Variants in MADD observed in about 807,000 individuals in gnomAD.
MADD encodes the protein MAP kinase activating death domain.
In MADD, 109 loss-of-function variants were observed where a neutral mutation model predicts 176.7. That is an observed-to-expected ratio of 0.62 (90% CI 0.53 to 0.72). MADD has a LOEUF of 0.72. Ranked by LOEUF, MADD falls within the 30% of genes least tolerant of loss-of-function variation. The probability of loss-of-function intolerance (pLI) is 0.00; values close to 1 mark genes in which losing one functional copy is unlikely to be tolerated. For missense variants in MADD, 1,914 were observed against 2,045.5 expected, an observed-to-expected ratio of 0.94 and a Z score of 1.24; for synonymous variants, 771 against 771.3, an observed-to-expected ratio of 1.00 and a Z score of 0.01.
At chr11:47,277,761 G>A (rs2051720044) in intron 5 of MADD, among the ~76,000 whole-genome samples, 1 of 151,860 alleles carries the variant, frequency 6.6e-6, no homozygotes, top group African/African-American at 2.4e-5. Flanking sequence ...GCTGGACACA[G>A]GGGTGATTCA....
At chr11:47,276,885 G>A (rs762261913) in intron 5 of MADD, 22 bp downstream of exon 5, 16 of 1,612,678 alleles carry the variant, frequency 9.9e-6, no homozygotes, top group Admixed American at 3.3e-5. Flanking sequence ...GGCGACTTCC[G>A]GCTTTCTCAC....
At chr11:47,296,178 C>T (rs905909041) in intron 22 of MADD, 123 bp downstream of exon 24, 1 of 1,171,144 alleles carries the variant, frequency 8.5e-7, no homozygotes, top group Non-Finnish European at 1.2e-6. Context: ...AGGTAATCTT[C>T]TTATATTTGG....
intron 22 of MADD, among the ~76,000 whole-genome samples, chr11:47,296,577 GA>G (rs1411893263): frequency 6.6e-6 from 1 of 152,108 alleles, no homozygotes; most frequent in Non-Finnish European, 1.5e-5. Flanking sequence ...AAACAGGGAT[GA>G]AAAAGGCATG....
At chr11:47,283,416 T>C (rs879858196) in intron 10 of MADD, among the ~76,000 whole-genome samples, 1 of 151,914 alleles carries the variant, frequency 6.6e-6, no homozygotes, top group Non-Finnish European at 1.5e-5. Context: ...TTTGTATGTA[T>C]GTGACAGAGT....
chr11:47,300,546 G>A (rs1035566338), intron 22 of MADD, among the ~76,000 whole-genome samples: 1 of 151,766 alleles, frequency 6.6e-6, no homozygotes, highest in Non-Finnish European at 1.5e-5. Flanking sequence ...TGCTCAGGCT[G>A]GAGTGCAATG....
At chr11:47,326,937 CAAGG>C (rs1676158800) in intron 31 of MADD, 130 bp downstream of exon 35, 4 of 1,461,538 alleles carry the variant, frequency 2.7e-6, no homozygotes, top group Non-Finnish European at 2.7e-6. Context: ...GCAGGAGTGA[CAAGG>C]AAGAAAAGGG....
chr11:47,309,838 C>CTT (rs60488949), intron 25 of MADD, among the ~76,000 whole-genome samples: 116 of 143,664 alleles, frequency 8.1e-4, no homozygotes, highest in Non-Finnish European at 1.0e-3. Context: ...TGATGATTCT[C>CTT]TTTTTTTTTT....
intron 3 of MADD, 22 bp downstream of exon 3, chr11:47,275,181 T>A (rs754179273): frequency 5.7e-6 from 9 of 1,584,584 alleles, no homozygotes; most frequent in African/African-American, 1.3e-5. Flanking sequence ...TGCTGATGCC[T>A]AATGGGGGAA....
At chr11:47,324,687 T>A in intron 30 of MADD, 110 bp downstream of exon 33, 2 of 778,140 alleles carry the variant, frequency 2.6e-6, no homozygotes. Flanking sequence ...CCTCTGGAGC[T>A]AGAGGGAGAA....
chr11:47,295,710 C>A, intron 21 of MADD, 131 bp downstream of exon 23: 1 of 1,550,846 alleles, frequency 6.4e-7, no homozygotes. Context: ...AGATGTTTAC[C>A]ATCATAGGTG....
At chr11:47,281,610 C>T in exon 8 of MADD, 1 of 1,611,214 alleles carries the variant, frequency 6.2e-7, no homozygotes, top group South Asian at 1.1e-5. Context: ...CCCAGCCCAT[C>T]CTCAATCTGG....
chr11:47,285,494 G>T, exon 14 of MADD: 1 of 1,614,152 alleles, frequency 6.2e-7, no homozygotes, highest in Non-Finnish European at 8.5e-7. Flanking sequence ...ACTGGCAAGT[G>T]ACTCAGATGC....
intron 15 of MADD, 114 bp downstream of exon 15, chr11:47,286,648 C>T (rs2060839288): frequency 2.8e-6 from 2 of 725,530 alleles, no homozygotes; most frequent in East Asian, 2.6e-5. Flanking sequence ...TGTCGTCCCT[C>T]ATGTTGCTCC....
chr11:47,290,578 C>A (rs1361675427), intron 18 of MADD, 32 bp from the exon 20 acceptor site: 64 of 1,598,254 alleles, frequency 4.0e-5, no homozygotes, highest in Non-Finnish European at 5.1e-5. Context: ...CTACTCACTA[C>A]TTCTCTTGAC....
At chr11:47,290,077 G>A (rs1383131532) in intron 17 of MADD, 24 bp downstream of exon 18, 5 of 1,612,486 alleles carry the variant, frequency 3.1e-6, no homozygotes, top group Admixed American at 1.7e-5. Context: ...GTAGGGAATC[G>A]GAGTAACTGG....
At chr11:47,326,202 CCCAAGTA>C (rs1454450444) in intron 30 of MADD, among the ~76,000 whole-genome samples, 1 of 152,138 alleles carries the variant, frequency 6.6e-6, no homozygotes, top group East Asian at 1.9e-4. Context: ...TTTGTAAAAC[CCCAAGTA>C]GGTGCTCAGC....
At chr11:47,320,238 C>T (rs1327837361) in intron 27 of MADD, among the ~76,000 whole-genome samples, 1 of 151,346 alleles carries the variant, frequency 6.6e-6, no homozygotes, top group Non-Finnish European at 1.5e-5. Context: ...GGGTGGATCA[C>T]GAGGTCAAGA....
exon 7 of MADD, chr11:47,279,000 T>G: frequency 6.2e-7 from 1 of 1,613,836 alleles, no homozygotes; most frequent in East Asian, 2.2e-5. Context: ...CTGGTGCAGG[T>G]GATTGCCCCC....
chr11:47,300,263 G>T (rs1277296646), intron 22 of MADD, among the ~76,000 whole-genome samples: 1 of 143,990 alleles, frequency 6.9e-6, no homozygotes, highest in African/African-American at 2.6e-5. Context: ...CTGGAGTGCA[G>T]TTGTGCGATC....
Sources: allele counts gnomAD v4.1 joint callset (sites outside exome capture counted in the v4.1 genomes callset), GRCh38; gene constraint gnomAD v4.1.1; transcripts MANE v1.5; gene names NCBI Gene and HGNC (gene_info 2026-07-23, HGNC 2026-07-21).